SPTA1: variants seen among roughly 807,000 people sequenced by gnomAD.
The protein encoded by SPTA1 is spectrin alpha, erythrocytic 1.
Under a neutral mutation model 324.7 loss-of-function variants are expected in SPTA1, and 177 were observed. That is an observed-to-expected ratio of 0.55 (90% CI 0.48 to 0.62). The LOEUF (loss-of-function observed/expected upper bound fraction) is 0.62, where lower values mean the gene tolerates loss of function less well. SPTA1 is among the 20% of genes least tolerant of loss of function. The pLI is 0.00. For synonymous variants in SPTA1, 1,195 were observed against 1,041.3 expected, an observed-to-expected ratio of 1.15 and a Z score of -2.84; for missense variants, 3,162 against 2,883.6, an observed-to-expected ratio of 1.10 and a Z score of -2.21.
chr1:158,640,089 C>T lies in SPTA1; in HGVS notation c.4738-82G>A, dbSNP rs370910902. The T allele has an allele frequency of 1.7e-4, 275 of 1,602,134 alleles. No individual in the cohort carries two copies. In the African/African-American group the frequency reaches 3.1e-3, roughly 18 times the overall value. On this transcript the variant is annotated intron_variant, in intron 33 of 51. Transcript: ENST00000643759. Reference sequence around the variant, plus strand: ...TACTTGAGAGAATAATGTAGGAAGGCTGTGAAGGCAGGAACTAGCCAAAAT... The same window carrying T: ...TACTTGAGAGAATAATGTAGGAAGGTTGTGAAGGCAGGAACTAGCCAAAAT...
Position 158,670,178 on chromosome 1 carries a change from C to G in SPTA1, c.1600-392G>C, listed in dbSNP as rs552032041. 3.3e-5 allele frequency among the ~76,000 whole-genome samples: 5 copies of G among 152,300 alleles called. No individual in the cohort carries two copies. In the South Asian group the frequency reaches 8.3e-4, roughly 25 times the overall value. On this transcript the variant is annotated intron_variant, in intron 12 of 51. Coordinates refer to ENST00000643759, the MANE Select transcript of SPTA1 (RefSeq NM_003126.4). ...ATATATCTCTATCTCTATCTCATCT[C>G]TACCTCTATCTCTATCTCCTTCTAT...
intron 38 of SPTA1, among the ~76,000 whole-genome samples, chr1:158,635,056 G>A (rs1314368785): frequency 6.8e-6 from 1 of 147,534 alleles, no homozygotes; most frequent in East Asian, 2.0e-4. Flanking sequence ...ACACCACGAA[G>A]TGCCAGAATC....
chr1:158,644,761 C>G (rs921853355), intron 29 of SPTA1, among the ~76,000 whole-genome samples: 2 of 152,178 alleles, frequency 1.3e-5, no homozygotes, highest in African/African-American at 4.8e-5. Context: ...AGCCTCAAAG[C>G]ACTCGTACAT....
At position 158,685,148 on chromosome 1, in the gene SPTA1, A is replaced by G. The variant is rs146993090; in HGVS notation, c.224T>C (p.Ile75Thr). The G allele has an allele frequency of 2.0e-4, 324 of 1,613,738 alleles. 3 individuals carry two copies. The East Asian group carries it at 4.1e-3, about 20-fold the overall frequency. ...LGKWIMEKVN[I>T]LTDKSYEDPT... is the part of the protein sequence containing the mutation. The stretch of plus-strand genomic sequence containing the variant: ...GTCTTCATAGCTCTTATCGGTTAAG[A>G]TATTGACTTTCTCCATGATCCACTT... Residue 75 changes from isoleucine (I) to threonine (T), a missense_variant, in exon 2 of 52, where the codon ATC (isoleucine) becomes ACC (threonine). By Grantham distance (89) the Ile-to-Thr change is moderately conservative. Coordinates refer to ENST00000643759, the MANE Select transcript of SPTA1 (RefSeq NM_003126.4).
intron 11 of SPTA1, 111 bp from the exon 12 acceptor site, chr1:158,671,564 G>T: frequency 1.2e-6 from 1 of 819,456 alleles, no homozygotes; most frequent in Non-Finnish European, 2.1e-6. Context: ...GTGGGAATTA[G>T]CACACATTAT....
chr1:158,649,776 G>A, intron 25 of SPTA1, 80 bp downstream of exon 25: 1 of 1,167,890 alleles, frequency 8.6e-7, no homozygotes, highest in Non-Finnish European at 1.3e-6. Flanking sequence ...ATTATACTAT[G>A]GTTCCACCAT....
chr1:158,683,610 C>T (rs1480874547), intron 2 of SPTA1, 114 bp from the exon 3 acceptor site: 3 of 1,380,802 alleles, frequency 2.2e-6, no homozygotes, highest in Admixed American at 1.8e-5. Context: ...ACTCAGAGGC[C>T]ATAAAGAGTA....
intron 39 of SPTA1, 144 bp downstream of exon 39, chr1:158,634,399 A>G (rs1650905390): frequency 7.9e-7 from 1 of 1,269,604 alleles, no homozygotes; most frequent in Non-Finnish European, 1.1e-6. Flanking sequence ...AATTTTTCGT[A>G]TTTAAAACTG....
intron 17 of SPTA1, among the ~76,000 whole-genome samples, chr1:158,662,227 T>C (rs1653270571): frequency 6.6e-6 from 1 of 152,224 alleles, no homozygotes; most frequent in Non-Finnish European, 1.5e-5. Context: ...CACCTTTTTC[T>C]CTGCCTCAGT....
intron 27 of SPTA1, 106 bp from the exon 28 acceptor site, chr1:158,645,700 T>G: frequency 8.3e-7 from 1 of 1,206,128 alleles, no homozygotes; most frequent in Non-Finnish European, 1.2e-6. Context: ...CAGAATAACA[T>G]TTTTTATCTG....
intron 6 of SPTA1, 84 bp from the exon 7 acceptor site, chr1:158,677,918 C>A (rs1654512259): frequency 6.4e-7 from 1 of 1,556,090 alleles, no homozygotes; most frequent in African/African-American, 1.4e-5. Context: ...CAGCAAGGAC[C>A]ATCCTAGTTG....
At chr1:158,639,202 C>T (rs1282880272) in intron 35 of SPTA1, 1 of 257,742 alleles carries the variant, frequency 3.9e-6, no homozygotes. Flanking sequence ...TGTAGTTCAT[C>T]TTCATTTCAC....
intron 20 of SPTA1, 106 bp from the exon 21 acceptor site, chr1:158,654,854 C>T (rs930887596): frequency 1.3e-6 from 2 of 1,491,758 alleles, no homozygotes; most frequent in Non-Finnish European, 1.8e-6. Flanking sequence ...AAAAGAGCCT[C>T]TGGCTGGAAC....
intron 33 of SPTA1, 77 bp from the exon 34 acceptor site, chr1:158,640,084 G>A: frequency 7.5e-6 from 12 of 1,602,310 alleles, no homozygotes; most frequent in Non-Finnish European, 9.4e-6. Flanking sequence ...AATAATGTAG[G>A]AAGGCTGTGA....
Position 158,683,418 on chromosome 1 carries a change from T to A in SPTA1, c.343A>T (p.Arg115Trp), listed in dbSNP as rs1353206281. Residue 115 changes from arginine to tryptophan, a missense_variant, in exon 3 of 52, where the codon AGG becomes TGG. Coordinates refer to ENST00000643759, the MANE Select transcript of SPTA1 (RefSeq NM_003126.4). ...SRLMSELEKT[R>W]EERFTMGHSA... ...TGACCCATGGTAAATCGTTCTTCCCTTGTTTTTTCCAGTTCAGACATGAGT... is the reference window on the plus strand; with the variant it reads ...TGACCCATGGTAAATCGTTCTTCCCATGTTTTTTCCAGTTCAGACATGAGT... 1 of 1,613,508 alleles carries A rather than the reference T, an allele frequency of 6.2e-7. No homozygotes were observed.
intron 47 of SPTA1, among the ~76,000 whole-genome samples, chr1:158,616,113 A>T (rs927771812): frequency 1.3e-5 from 2 of 152,114 alleles, no homozygotes; most frequent in African/African-American, 4.8e-5. Context: ...TCTTTTTTTT[A>T]AGTTTCATTT....
At chr1:158,649,805 T>G (rs1240984390) in intron 25 of SPTA1, 51 bp downstream of exon 25, 3 of 1,418,070 alleles carry the variant, frequency 2.1e-6, no homozygotes, top group Non-Finnish European at 1.0e-6. Flanking sequence ...ACTTAGAAGT[T>G]TAGTGAGTGG....
intron 45 of SPTA1, among the ~76,000 whole-genome samples, chr1:158,618,344 G>C (rs1479345806): frequency 6.6e-6 from 1 of 152,178 alleles, no homozygotes; most frequent in Non-Finnish European, 1.5e-5. Context: ...ACCAAGAAAA[G>C]AGGAAGAGAA....
At chr1:158,655,140 G>A (rs913774277) in intron 20 of SPTA1, among the ~76,000 whole-genome samples, 15 of 152,178 alleles carry the variant, frequency 9.9e-5, no homozygotes, top group East Asian at 3.9e-4. Flanking sequence ...ACTCTCTGTC[G>A]TCACCTTTCC....
Sources: gnomAD v4.1 joint callset for allele counts (sites outside exome capture counted in the v4.1 genomes callset) on GRCh38, gnomAD v4.1.1 for gene constraint, MANE v1.5 for transcripts, NCBI Gene and HGNC (gene_info 2026-07-23, HGNC 2026-07-21) for gene names.